Variants in CABIN1 observed in about 807,000 individuals in gnomAD.
The protein encoded by CABIN1 is calcineurin-binding protein cabin-1.
Under a neutral mutation model 227.7 loss-of-function variants are expected in CABIN1, and 133 were observed. The ratio of observed to expected loss-of-function variants is 0.58; its 90% CI spans 0.51 to 0.67. CABIN1 has a LOEUF of 0.67. Ranked by LOEUF, CABIN1 falls within the 30% of genes least tolerant of loss-of-function variation. The pLI, the probability that CABIN1 is intolerant of heterozygous loss-of-function variation, is 0.00. For synonymous variants in CABIN1, 1,086 were observed against 1,155.1 expected (o/e 0.94, Z 1.21); for missense variants, 2,408 against 2,852.5 (o/e 0.84, Z 3.55).
intron 22 of CABIN1, among the ~76,000 whole-genome samples, chr22:24,086,429 C>T (rs2147112096): frequency 6.6e-6 from 1 of 152,354 alleles, no homozygotes; most frequent in East Asian, 1.9e-4. Context: ...CAGCCTGGCC[C>T]ATTAGGCAAC....
intron 30 of CABIN1, among the ~76,000 whole-genome samples, chr22:24,164,861 C>T (rs1449852916): frequency 2.0e-5 from 3 of 152,158 alleles, no homozygotes; most frequent in Admixed American, 6.6e-5. Flanking sequence ...TCAGGGCTCT[C>T]GGGGTGCTGT....
rs983350249 is a variant in CABIN1 at position 24,035,651 on chromosome 22, T to C, written c.3+131T>C. 3 of 1,160,380 alleles carry C rather than the reference T, an allele frequency of 2.6e-6. No homozygotes were observed. In the African/African-American group the frequency reaches 4.5e-5, roughly 18 times the overall value. The allele number at this position is 1,160,380 out of a possible 1,614,324, so 71.9% of individuals were successfully genotyped here. A position where few individuals can be genotyped will look rare whatever the true frequency, so the allele number is the denominator to read the frequency against. Reference sequence around the variant, plus strand: ...GGAGTAGCCTTCCTCCCAGGAAGGCTGTTGGCACCTTTGAGGGTGTGAGAT... The same window carrying C: ...GGAGTAGCCTTCCTCCCAGGAAGGCCGTTGGCACCTTTGAGGGTGTGAGAT... On this transcript the variant is annotated intron_variant, in intron 2 of 36. Coordinates refer to ENST00000263119, the MANE Select transcript of CABIN1 (RefSeq NM_012295.4).
chr22:24,098,042 T>G lies in CABIN1; in HGVS notation c.3967T>G (p.Ser1323Ala). 1 of 1,614,124 alleles carries G rather than the reference T, an allele frequency of 6.2e-7. No homozygotes were observed. Among genetic ancestry groups the G allele is most frequent in the Non-Finnish European group, 8.5e-7 (1 of 1,180,022 alleles). ...GAAGGCCTGCCTGGTGGACGAGGAC[T>G]CCCACTCTTCAGCTGGGACACTGCC... ...KEKACLVDED[S>A]HSSAGTLPGP... Residue 1323 changes from serine (S) to alanine (A), a missense_variant, in exon 26 of 37, where the codon TCC (serine) becomes GCC (alanine). This residue lies in a region of CABIN1 where 649 missense variants were observed against 910.3 expected (regional missense o/e 0.71). Coordinates refer to ENST00000263119, the MANE Select transcript of CABIN1 (RefSeq NM_012295.4).
At chr22:24,085,629 G>A (rs2041106618) in intron 22 of CABIN1, among the ~76,000 whole-genome samples, 1 of 152,216 alleles carries the variant, frequency 6.6e-6, no homozygotes, top group Non-Finnish European at 1.5e-5. Flanking sequence ...TAGCAGTAGC[G>A]ATTGTCATGA....
At chr22:24,155,554 G>A (rs1979655719) in intron 29 of CABIN1, among the ~76,000 whole-genome samples, 1 of 152,150 alleles carries the variant, frequency 6.6e-6, no homozygotes, top group South Asian at 2.1e-4. Context: ...CCGCCCTGAG[G>A]ACATTACTCC....
chr22:24,067,015 G>A lies in CABIN1; in HGVS notation c.2066G>A (p.Arg689Gln), dbSNP rs528409948. The A allele has an allele frequency of 1.4e-5, 23 of 1,614,214 alleles. 1 individual carries two copies. The highest frequency in any genetic ancestry group is 6.7e-5 in the Admixed American group (4 of 60,028). Reference sequence around the variant, plus strand: ...GATAAGAACCTGAAGTCGCTGGAGCGGTGCCAGTCCCTGGAGGAGATTCAG... The same window carrying A: ...GATAAGAACCTGAAGTCGCTGGAGCAGTGCCAGTCCCTGGAGGAGATTCAG... ...EIDKNLKSLE[R>Q]CQSLEEIQRL... is the part of the protein sequence containing the mutation. The change falls in exon 16 of 37, where the codon CGG becomes CAG. Residue 689 changes from arginine to glutamine, a missense_variant. Coordinates refer to ENST00000263119, the MANE Select transcript of CABIN1 (RefSeq NM_012295.4).
At chr22:24,096,543 G>T (rs1400145976) in intron 25 of CABIN1, among the ~76,000 whole-genome samples, 1 of 152,144 alleles carries the variant, frequency 6.6e-6, no homozygotes, top group Non-Finnish European at 1.5e-5. Flanking sequence ...AGCTCGGAGA[G>T]ACTGGGGCTC....
rs2041020961 is a variant in CABIN1, at chr22:24,084,527, T to C, written c.2911-52T>C. ...TTCTATGGAGGAATGCAATTTTCCTTCTTCATTTACCCTGAATGTGTTACT... is the reference window on the plus strand; with the variant it reads ...TTCTATGGAGGAATGCAATTTTCCTCCTTCATTTACCCTGAATGTGTTACT... On this transcript the variant is annotated intron_variant, in intron 20 of 36. Transcript: ENST00000263119. The C allele has an allele frequency of 4.1e-6, 6 of 1,452,592 alleles. No homozygotes were observed. In the South Asian group the frequency reaches 6.8e-5, roughly 17 times the overall value. The allele number at this position is 1,452,592 out of a possible 1,614,324, so 90.0% of individuals were successfully genotyped here.
chr22:24,173,502 G>A (rs1397875856), intron 34 of CABIN1: 3 of 152,208 alleles, frequency 2.0e-5, no homozygotes, highest in African/African-American at 4.8e-5. Context: ...TTTGTTCCCA[G>A]AGGAGCCTGT....
At chr22:24,111,973 C>T (rs533427323) in intron 26 of CABIN1, among the ~76,000 whole-genome samples, 14 of 152,246 alleles carry the variant, frequency 9.2e-5, no homozygotes, top group African/African-American at 3.1e-4. Flanking sequence ...CTGAAATTTC[C>T]TGTCTCTTCA....
At chr22:24,012,471 A>C (rs1391623672) in intron 1 of CABIN1, among the ~76,000 whole-genome samples, 1 of 152,194 alleles carries the variant, frequency 6.6e-6, no homozygotes, top group African/African-American at 2.4e-5. Flanking sequence ...ATCTATGTCA[A>C]GTCAGTCACA....
chr22:24,051,093 G>A, intron 8 of CABIN1, 119 bp downstream of exon 8: 1 of 1,322,854 alleles, frequency 7.6e-7, no homozygotes. Flanking sequence ...GTATGAATGG[G>A]GGCTGGGTGC....
At chr22:24,049,896 T>C (rs1177354187) in intron 7 of CABIN1, among the ~76,000 whole-genome samples, 1 of 152,114 alleles carries the variant, frequency 6.6e-6, no homozygotes, top group Non-Finnish European at 1.5e-5. Context: ...ACAGACACAC[T>C]TCTGAGGTGA....
chr22:24,091,263 C>A (rs1475096221), intron 23 of CABIN1, among the ~76,000 whole-genome samples: 1 of 152,212 alleles, frequency 6.6e-6, no homozygotes, highest in Non-Finnish European at 1.5e-5. Flanking sequence ...ATGTCCTCTC[C>A]AGTGCTGTGG....
chr22:24,134,261 A>T, intron 28 of CABIN1, 41 bp from the exon 29 acceptor site: 1 of 1,498,024 alleles, frequency 6.7e-7, no homozygotes, highest in Non-Finnish European at 9.3e-7. Context: ...CGCCCTGAGC[A>T]GCCCACACAC....
intron 4 of CABIN1, among the ~76,000 whole-genome samples, chr22:24,039,712 A>G (rs982183574): frequency 6.6e-6 from 1 of 152,210 alleles, no homozygotes; most frequent in African/African-American, 2.4e-5. Context: ...AGGTGTGTGC[A>G]TCTTTCTGTG....
At chr22:24,162,350 T>C (rs2267070) in intron 29 of CABIN1, 38,267 of 152,214 alleles carry the variant, frequency 0.25, 5,454 homozygotes, top group East Asian at 0.39. Flanking sequence ...TGGTGGGTCT[T>C]AGGCCTGGCC....
intron 29 of CABIN1, among the ~76,000 whole-genome samples, chr22:24,142,945 A>T (rs2044862665): frequency 1.3e-5 from 2 of 151,988 alleles, no homozygotes; most frequent in African/African-American, 4.8e-5. Flanking sequence ...TTTTCATGCC[A>T]CCGCTGCTTG....
At position 24,067,102 on chromosome 22, in the gene CABIN1, C is replaced by G. The variant is rs781143086; in HGVS notation, c.2153C>G (p.Thr718Ser). 2.1e-5 allele frequency: 34 copies of G among 1,614,096 alleles called. No homozygotes were observed. Among genetic ancestry groups the G allele is most frequent in the Non-Finnish European group, 2.8e-5 (33 of 1,180,036 alleles). ...CATCTGCTCCGCCCCACTTTGTGCA[C>G]CAGTGGGTTTGACCGGGCCAAACAC... ...VVHLLRPTLC[T>S]SGFDRAKHLE... The change falls in exon 16 of 37, where the codon ACC becomes AGC. Residue 718 changes from threonine (T) to serine (S), a missense_variant. Physicochemically the swap from Thr to Ser is moderately conservative, Grantham distance 58 (BLOSUM62 1). Transcript: ENST00000263119.
Sources: allele counts gnomAD v4.1 joint callset (sites outside exome capture counted in the v4.1 genomes callset), GRCh38; gene constraint gnomAD v4.1.1; regional missense constraint gnomAD v4.1.1; transcripts MANE v1.5; gene names NCBI Gene and HGNC (gene_info 2026-07-23, HGNC 2026-07-21).